LRRC4C: variants seen among roughly 807,000 people sequenced by gnomAD.
LRRC4C encodes the protein leucine-rich repeat-containing protein 4C.
A neutral mutation model predicts 33.6 loss-of-function variants in LRRC4C; 5 were observed. The ratio of observed to expected loss-of-function variants is 0.15; its 90% CI spans 0.08 to 0.31. The LOEUF is 0.31. Ranked by LOEUF, LRRC4C falls within the 10% of genes least tolerant of loss-of-function variation. LRRC4C has a pLI of 1.00. For synonymous variants in LRRC4C, 329 were observed against 302.0 expected, an observed-to-expected ratio of 1.09 and a Z score of -0.93; for missense variants, 560 against 796.7, an observed-to-expected ratio of 0.70 and a Z score of 3.58.
chr11:40,471,938 A>G (rs1244931613), intron 3 of LRRC4C, among the ~76,000 whole-genome samples: 3 of 152,132 alleles, frequency 2.0e-5, no homozygotes, highest in African/African-American at 4.8e-5. Context: ...AGCAAATGCA[A>G]AATAATGGAA....
At chr11:40,719,120 T>G (rs1421668558) in intron 2 of LRRC4C, among the ~76,000 whole-genome samples, 1 of 152,184 alleles carries the variant, frequency 6.6e-6, no homozygotes, top group East Asian at 1.9e-4. Context: ...ATAGAGAAGC[T>G]ATTTTAAAAA....
At chr11:40,583,097 C>T (rs891876376) in intron 3 of LRRC4C, among the ~76,000 whole-genome samples, 1 of 152,104 alleles carries the variant, frequency 6.6e-6, no homozygotes, top group Non-Finnish European at 1.5e-5. Context: ...CATTAACCAA[C>T]CTCTCTTCAT....
chr11:40,921,660 A>C (rs951653172), intron 2 of LRRC4C, among the ~76,000 whole-genome samples: 2 of 152,214 alleles, frequency 1.3e-5, no homozygotes, highest in Admixed American at 6.5e-5. Context: ...TTTGAGGTAC[A>C]TATGACATTT....
intron 5 of LRRC4C, among the ~76,000 whole-genome samples, chr11:40,161,389 G>T (rs924722008): frequency 1.3e-5 from 2 of 152,164 alleles, no homozygotes; most frequent in African/African-American, 4.8e-5. Context: ...TTCTCAATGT[G>T]TAAATATTTT....
intron 1 of LRRC4C, among the ~76,000 whole-genome samples, chr11:41,157,118 C>T (rs1428952930): frequency 6.6e-6 from 1 of 152,088 alleles, no homozygotes; most frequent in Non-Finnish European, 1.5e-5. Context: ...TCTTGGGCTT[C>T]CCAGCTTCCA....
chr11:40,404,541 C>T (rs969851712), intron 3 of LRRC4C, among the ~76,000 whole-genome samples: 5 of 152,024 alleles, frequency 3.3e-5, no homozygotes, highest in African/African-American at 1.2e-4. Flanking sequence ...ACAAGTGAAG[C>T]GCTCCTCTTG....
chr11:40,678,690 C>T (rs963380798), intron 2 of LRRC4C, among the ~76,000 whole-genome samples: 1 of 152,108 alleles, frequency 6.6e-6, no homozygotes, highest in Admixed American at 6.6e-5. Flanking sequence ...TCTTTGCCCG[C>T]CGCCACGTAA....
intron 2 of LRRC4C, among the ~76,000 whole-genome samples, chr11:40,733,053 T>C (rs1042381996): frequency 2.7e-5 from 4 of 147,024 alleles, no homozygotes; most frequent in Non-Finnish European, 6.0e-5. Flanking sequence ...AAACCAGTTA[T>C]GAATATAGTT....
At chr11:40,682,153 C>T (rs973682980) in intron 2 of LRRC4C, among the ~76,000 whole-genome samples, 7 of 151,036 alleles carry the variant, frequency 4.6e-5, no homozygotes, top group African/African-American at 1.5e-4. Context: ...GTCTTTAGTC[C>T]CAGCTACCCA....
At chr11:41,454,094 C>G (rs1001965167) in intron 1 of LRRC4C, among the ~76,000 whole-genome samples, 1 of 152,054 alleles carries the variant, frequency 6.6e-6, no homozygotes, top group Non-Finnish European at 1.5e-5. Context: ...GGACAAAACC[C>G]TGTTCTCTCC....
intron 1 of LRRC4C, among the ~76,000 whole-genome samples, chr11:41,298,034 G>A (rs1950189835): frequency 1.3e-5 from 2 of 152,216 alleles, no homozygotes; most frequent in South Asian, 4.2e-4. Flanking sequence ...CCAACTAATA[G>A]GAATACCGAC....
intron 3 of LRRC4C, among the ~76,000 whole-genome samples, chr11:40,537,199 T>C (rs1164684577): frequency 6.6e-6 from 1 of 152,214 alleles, no homozygotes; most frequent in Admixed American, 6.5e-5. Context: ...TATTTCCTTT[T>C]AGGCTCTGTC....
At chr11:40,387,791 G>A (rs949344930) in intron 3 of LRRC4C, among the ~76,000 whole-genome samples, 3 of 152,146 alleles carry the variant, frequency 2.0e-5, no homozygotes, top group African/African-American at 4.8e-5. Flanking sequence ...AATGGTTAAG[G>A]TAATATTTGC....
intron 3 of LRRC4C, among the ~76,000 whole-genome samples, chr11:40,336,871 G>C (rs1388728596): frequency 6.6e-6 from 1 of 151,190 alleles, no homozygotes; most frequent in Non-Finnish European, 1.5e-5. Context: ...CAGCTACTCG[G>C]GAGGCTGAGG....
At chr11:40,323,225 A>G (rs1210242411) in intron 3 of LRRC4C, among the ~76,000 whole-genome samples, 1 of 152,206 alleles carries the variant, frequency 6.6e-6, no homozygotes, top group Non-Finnish European at 1.5e-5. Context: ...GTGAAAGTTC[A>G]CTTGTTTTCT....
intron 1 of LRRC4C, among the ~76,000 whole-genome samples, chr11:40,979,201 C>T (rs1852320583): frequency 6.6e-6 from 1 of 152,100 alleles, no homozygotes; most frequent in South Asian, 2.1e-4. Flanking sequence ...AATGCAGTAT[C>T]TTCCCTCATA....
At chr11:41,037,905 CATTT>C (rs1300945709) in intron 1 of LRRC4C, among the ~76,000 whole-genome samples, 3 of 152,168 alleles carry the variant, frequency 2.0e-5, no homozygotes, top group African/African-American at 7.2e-5. Flanking sequence ...TTTTTACCCA[CATTT>C]ATTTCCTCCT....
chr11:41,272,177 G>C (rs1949343059), intron 1 of LRRC4C, among the ~76,000 whole-genome samples: 1 of 152,118 alleles, frequency 6.6e-6, no homozygotes, highest in African/African-American at 2.4e-5. Context: ...ACCCCTTTCA[G>C]GTGTTTTCAA....
At chr11:40,383,284 A>T (rs576881287) in intron 3 of LRRC4C, among the ~76,000 whole-genome samples, 11 of 152,062 alleles carry the variant, frequency 7.2e-5, no homozygotes, top group Non-Finnish European at 1.2e-4. Context: ...GGTTGTTTCC[A>T]TATCTTGACT....
Sources: allele counts gnomAD v4.1 joint callset (sites outside exome capture counted in the v4.1 genomes callset), GRCh38; gene constraint gnomAD v4.1.1; transcripts MANE v1.5; gene names NCBI Gene and HGNC (gene_info 2026-07-23, HGNC 2026-07-21).